The following LACTB2 variants were observed in gnomAD, a reference collection of about 807,000 sequenced individuals.
The protein encoded by LACTB2 is endoribonuclease LACTB2.
LACTB2 carries 32 observed loss-of-function variants against 34.8 expected under a neutral mutation model. The observed-to-expected ratio is 0.92, with a 90% confidence interval of 0.69 to 1.24. The LOEUF is 1.24. LACTB2 is among the 50% of genes most tolerant of loss of function. The pLI is 0.00. For missense variants in LACTB2, 320 were observed against 345.0 expected, an observed-to-expected ratio of 0.93 and a Z score of 0.57; for synonymous variants, 120 against 117.5, an observed-to-expected ratio of 1.02 and a Z score of -0.14.
intron 2 of LACTB2, chr8:70,661,017 C>G (rs1450536228): frequency 2.2e-6 from 1 of 449,344 alleles, no homozygotes; most frequent in African/African-American, 2.0e-5. Flanking sequence ...TGAGCTCAAG[C>G]AATCCACACA....
intron 3 of LACTB2, among the ~76,000 whole-genome samples, chr8:70,655,725 T>G (rs1251821600): frequency 6.6e-6 from 1 of 152,220 alleles, no homozygotes; most frequent in East Asian, 1.9e-4. Context: ...AGTAGCTGGA[T>G]TGCTGGATCA....
At chr8:70,645,345 T>C (rs1184076371) in intron 3 of LACTB2, among the ~76,000 whole-genome samples, 1 of 152,190 alleles carries the variant, frequency 6.6e-6, no homozygotes, top group Non-Finnish European at 1.5e-5. Context: ...CATCAGTATA[T>C]ACTTTTCAAA....
chr8:70,660,339 GAA>G, intron 2 of LACTB2: 1 of 301,524 alleles, frequency 3.3e-6, no homozygotes, highest in Non-Finnish European at 6.5e-6. Context: ...ACAAGAGAAG[GAA>G]AAGTCAGACT....
At chr8:70,645,512 T>C (rs995660773) in intron 3 of LACTB2, among the ~76,000 whole-genome samples, 2 of 152,088 alleles carry the variant, frequency 1.3e-5, no homozygotes, top group African/African-American at 4.8e-5. Context: ...TTTTAAATTA[T>C]ACTTTAAGTT....
At position 70,640,933 on chromosome 8, in the gene LACTB2, G is replaced by A; in HGVS notation, c.710C>T (p.Thr237Ile). 1.2e-6 allele frequency: 2 copies of A among 1,605,558 alleles called. No individual in the cohort carries two copies. Among genetic ancestry groups the A allele is most frequent in the Middle Eastern group, 1.7e-4 (1 of 6,046 alleles). The change falls in exon 5 of 7, where the codon ACA becomes ATA. Residue 237 changes from threonine to isoleucine, a missense_variant. Physicochemically the swap from Thr to Ile is moderately conservative, Grantham distance 89 (BLOSUM62 -1). Transcript: ENST00000276590. Reference sequence around the variant, plus strand: ...AATAATTTTTACAAGCTCCATTACTGTAAATGATTTCTCAAAGTTCTCACG... The same window carrying A: ...AATAATTTTTACAAGCTCCATTACTATAAATGATTTCTCAAAGTTCTCACG... ...LFRENFEKSF[T>I]VMELVKIIYK...
At chr8:70,660,798 C>CA (rs1563408066) in intron 2 of LACTB2, 1 of 454,804 alleles carries the variant, frequency 2.2e-6, no homozygotes, top group South Asian at 1.6e-5. Context: ...ATTTTTTTCC[C>CA]TTTTTTTTTC....
chr8:70,654,545 G>C (rs960446824), intron 3 of LACTB2: 1 of 152,262 alleles, frequency 6.6e-6, no homozygotes, highest in Non-Finnish European at 1.5e-5. Context: ...ATATGTGTGT[G>C]TGTGTCTGTG....
intron 3 of LACTB2, among the ~76,000 whole-genome samples, chr8:70,657,428 ATTTTTT>A (rs777806428): frequency 8.6e-6 from 1 of 115,822 alleles, no homozygotes; most frequent in African/African-American, 3.2e-5. Context: ...CAGATCTTCT[ATTTTTT>A]TTTTTTTTTT....
At chr8:70,667,693 A>G (rs570399360) in intron 1 of LACTB2, among the ~76,000 whole-genome samples, 1 of 152,328 alleles carries the variant, frequency 6.6e-6, no homozygotes, top group South Asian at 2.1e-4. Flanking sequence ...ATAGCCCCTC[A>G]ACACAAGCCA....
intron 3 of LACTB2, among the ~76,000 whole-genome samples, chr8:70,648,495 C>T (rs1157436110): frequency 6.6e-6 from 1 of 151,760 alleles, no homozygotes; most frequent in East Asian, 1.9e-4. Context: ...GAAATAAAAA[C>T]ATGTAGTAAG....
intron 3 of LACTB2, among the ~76,000 whole-genome samples, chr8:70,650,825 T>C (rs1818332992): frequency 6.6e-6 from 1 of 151,424 alleles, no homozygotes; most frequent in Admixed American, 6.6e-5. Flanking sequence ...CTACCCAATT[T>C]TATTACTATT....
At position 70,644,259 on chromosome 8, in the gene LACTB2, A is replaced by C. The variant is rs374733644; in HGVS notation, c.414-16T>G. 4.0e-6 allele frequency: 6 copies of C among 1,496,564 alleles called. No homozygotes were observed. The African/African-American group carries it at 7.1e-5, about 18-fold the overall frequency. The allele number at this position is 1,496,564 out of a possible 1,614,324, so 92.7% of individuals were successfully genotyped here. On this transcript the variant is annotated splice_polypyrimidine_tract_variant and intron_variant, in intron 3 of 6. Transcript: ENST00000276590. ...ATATAGAACTCTGGTTGAAAGAAGA[A>C]ATAAGGAATAATAACAATTATGAAC...
intron 3 of LACTB2, among the ~76,000 whole-genome samples, chr8:70,655,549 G>A (rs1210695974): frequency 6.6e-6 from 1 of 152,074 alleles, no homozygotes; most frequent in Non-Finnish European, 1.5e-5. Flanking sequence ...TTATGGCTGA[G>A]TAGTATTCCA....
At chr8:70,641,652 A>G (rs1818200922) in intron 4 of LACTB2, among the ~76,000 whole-genome samples, 1 of 152,208 alleles carries the variant, frequency 6.6e-6, no homozygotes, top group East Asian at 1.9e-4. Context: ...AGCTCTATTA[A>G]AAATTCACAA....
At chr8:70,656,363 G>C (rs967843060) in intron 3 of LACTB2, among the ~76,000 whole-genome samples, 1 of 152,140 alleles carries the variant, frequency 6.6e-6, no homozygotes, top group African/African-American at 2.4e-5. Context: ...TTTTGTATAA[G>C]GTGAGAGATG....
intron 3 of LACTB2, among the ~76,000 whole-genome samples, chr8:70,646,896 C>G (rs1209029285): frequency 1.3e-5 from 2 of 152,154 alleles, no homozygotes; most frequent in South Asian, 2.1e-4. Context: ...TATTCTACCT[C>G]ACAAGGTTAT....
chr8:70,637,728 C>T lies in LACTB2; in HGVS notation c.*132G>A. On this transcript the variant is annotated 3_prime_UTR_variant, in exon 7 of 7. Coordinates refer to ENST00000276590, the MANE Select transcript of LACTB2 (RefSeq NM_016027.3). ...TTTACATATTTTAGCATAAATATAA[C>T]ATTATTTTAAAGTATATCTAGGGTT... 2.2e-6 allele frequency: 1 copy of T among 463,278 alleles called. No individual in the cohort carries two copies. Among genetic ancestry groups the T allele is most frequent in the Non-Finnish European group, 3.8e-6 (1 of 264,370 alleles). 28.7% of individuals were successfully genotyped at this position (463,278 alleles called of 1,614,324 possible). A position where few individuals can be genotyped will look rare whatever the true frequency, so the allele number is the denominator to read the frequency against.
intron 3 of LACTB2, 135 bp downstream of exon 3, chr8:70,657,621 C>T: frequency 1.3e-6 from 1 of 742,364 alleles, no homozygotes; most frequent in Non-Finnish European, 2.0e-6. Context: ...TGGTATTGCC[C>T]AGGCTGGTCT....
At chr8:70,666,037 A>G (rs1176865020) in intron 1 of LACTB2, among the ~76,000 whole-genome samples, 2 of 152,204 alleles carry the variant, frequency 1.3e-5, no homozygotes. Context: ...TGATCAGATG[A>G]GGAAGGAAGA....
Sources: gnomAD v4.1 joint callset for allele counts (sites outside exome capture counted in the v4.1 genomes callset) on GRCh38, gnomAD v4.1.1 for gene constraint, MANE v1.5 for transcripts, NCBI Gene and HGNC (gene_info 2026-07-23, HGNC 2026-07-21) for gene names.